LUZP2: variants seen among roughly 807,000 people sequenced by gnomAD.
The protein encoded by LUZP2 is leucine zipper protein 2.
In LUZP2, 52 loss-of-function variants were observed where a neutral mutation model predicts 51.6. The ratio of observed to expected loss-of-function variants is 1.01; its 90% confidence interval spans 0.81 to 1.27. LUZP2 has a LOEUF of 1.27. Ranked by LOEUF, LUZP2 falls within the 50% of genes most tolerant of loss-of-function variation. The pLI is 0.00. For missense variants in LUZP2, 436 were observed against 395.4 expected (o/e 1.10, Z -0.87); for synonymous variants, 154 against 137.3 (o/e 1.12, Z -0.85).
intron 7 of LUZP2, among the ~76,000 whole-genome samples, chr11:24,937,800 C>T (rs1278450837): frequency 6.6e-6 from 1 of 151,462 alleles, no homozygotes. Flanking sequence ...ACATGGGAGG[C>T]TGAGGCAGGA....
At chr11:24,603,871 A>AT (rs2133872198) in intron 1 of LUZP2, among the ~76,000 whole-genome samples, 1 of 151,906 alleles carries the variant, frequency 6.6e-6, no homozygotes, top group Admixed American at 6.6e-5. Flanking sequence ...ACCTAAAAAA[A>AT]GTCATATCCT....
intron 5 of LUZP2, among the ~76,000 whole-genome samples, chr11:24,770,206 TTGTC>T (rs1192667116): frequency 1.1e-4 from 17 of 152,238 alleles, no homozygotes; most frequent in Non-Finnish European, 1.8e-4. Context: ...TAAAATCAGT[TTGTC>T]TGTAACGGTC....
chr11:24,706,290 G>A (rs560508541), intron 1 of LUZP2, among the ~76,000 whole-genome samples: 1 of 152,232 alleles, frequency 6.6e-6, no homozygotes, highest in Non-Finnish European at 1.5e-5. Flanking sequence ...AATGCCAGGA[G>A]CTCGTTACTT....
chr11:24,836,313 T>A (rs1850858374), intron 5 of LUZP2, among the ~76,000 whole-genome samples: 1 of 151,882 alleles, frequency 6.6e-6, no homozygotes, highest in South Asian at 2.1e-4. Flanking sequence ...TTATAAATAA[T>A]TATGAAGTCT....
chr11:24,807,396 G>A (rs1469778473), intron 5 of LUZP2, among the ~76,000 whole-genome samples: 1 of 151,596 alleles, frequency 6.6e-6, no homozygotes, highest in African/African-American at 2.4e-5. Context: ...CGGAGGCGGA[G>A]GTTGCAATGA....
chr11:24,575,093 C>T (rs537635467), intron 1 of LUZP2, among the ~76,000 whole-genome samples: 1 of 152,172 alleles, frequency 6.6e-6, no homozygotes, highest in Admixed American at 6.6e-5. Context: ...TTCTCTCTTA[C>T]CTTTTTAAGC....
intron 5 of LUZP2, among the ~76,000 whole-genome samples, chr11:24,837,059 G>T (rs994847199): frequency 5.1e-5 from 1 of 19,516 alleles, no homozygotes; most frequent in Non-Finnish European, 6.6e-4. Context: ...TTCAAGAATG[G>T]TTGGTAGAAT....
At chr11:24,559,890 C>CA (rs1449554043) in intron 1 of LUZP2, among the ~76,000 whole-genome samples, 1 of 152,034 alleles carries the variant, frequency 6.6e-6, no homozygotes, top group African/African-American at 2.4e-5. Context: ...TAGTTGTCTC[C>CA]AAGACTGGTG....
chr11:24,546,571 A>T (rs1303059224), intron 1 of LUZP2, among the ~76,000 whole-genome samples: 1 of 152,106 alleles, frequency 6.6e-6, no homozygotes, highest in Non-Finnish European at 1.5e-5. Context: ...GGTGTGAATC[A>T]CATTTATTGA....
intron 5 of LUZP2, among the ~76,000 whole-genome samples, chr11:24,886,630 C>T (rs1036832657): frequency 2.6e-5 from 4 of 152,144 alleles, no homozygotes; most frequent in African/African-American, 7.2e-5. Flanking sequence ...ATTTATTAAA[C>T]TTCTTAAGGG....
intron 1 of LUZP2, among the ~76,000 whole-genome samples, chr11:24,574,243 T>C (rs1464276339): frequency 0.046 from 93 of 2,008 alleles, no homozygotes; most frequent in African/African-American, 0.078. Flanking sequence ...TTTCTTTCTT[T>C]CTTTCTTTCT....
At chr11:24,741,982 AT>A (rs1216924310) in intron 4 of LUZP2, among the ~76,000 whole-genome samples, 2 of 81,478 alleles carry the variant, frequency 2.5e-5, no homozygotes, top group African/African-American at 7.3e-5. Flanking sequence ...ACATTTATAT[AT>A]TATATATAAA....
intron 5 of LUZP2, among the ~76,000 whole-genome samples, chr11:24,895,511 C>T (rs1400371365): frequency 6.6e-5 from 10 of 152,058 alleles, no homozygotes; most frequent in Non-Finnish European, 1.5e-4. Context: ...TTGCCTGCCT[C>T]CCTCACTCCC....
intron 5 of LUZP2, among the ~76,000 whole-genome samples, chr11:24,779,842 T>G (rs752428499): frequency 1.2e-4 from 18 of 151,378 alleles, no homozygotes; most frequent in Non-Finnish European, 1.9e-4. Context: ...CACACACACA[T>G]AGGGGAGGAA....
At chr11:24,959,797 G>A (rs976296036) in intron 7 of LUZP2, among the ~76,000 whole-genome samples, 2 of 152,100 alleles carry the variant, frequency 1.3e-5, no homozygotes, top group African/African-American at 4.8e-5. Flanking sequence ...TGTTGAATAG[G>A]AGTGGTGAGA....
At chr11:25,050,518 C>G (rs576450481) in intron 10 of LUZP2, among the ~76,000 whole-genome samples, 1 of 151,992 alleles carries the variant, frequency 6.6e-6, no homozygotes, top group African/African-American at 2.4e-5. Context: ...GTTAACCAGG[C>G]TGGTCTTGAT....
At chr11:24,509,466 G>T (rs1850239661) in intron 1 of LUZP2, among the ~76,000 whole-genome samples, 1 of 148,492 alleles carries the variant, frequency 6.7e-6, no homozygotes, top group Admixed American at 6.8e-5. Flanking sequence ...ATTATATATG[G>T]TATAGTATAT....
intron 5 of LUZP2, among the ~76,000 whole-genome samples, chr11:24,830,774 C>T (rs180962094): frequency 0.017 from 2,586 of 152,048 alleles, 34 homozygotes; most frequent in Non-Finnish European, 0.029. Context: ...GCGGGCGGAT[C>T]ATGAGGTCAG....
chr11:24,596,784 G>A (rs925025051), intron 1 of LUZP2, among the ~76,000 whole-genome samples: 4 of 152,168 alleles, frequency 2.6e-5, no homozygotes, highest in Admixed American at 6.5e-5. Context: ...GGTGTTCTCC[G>A]AGGAGTGGAA....
Sources: gnomAD v4.1 joint callset for allele counts (sites outside exome capture counted in the v4.1 genomes callset) on GRCh38, gnomAD v4.1.1 for gene constraint, MANE v1.5 for transcripts, NCBI Gene and HGNC (gene_info 2026-07-23, HGNC 2026-07-21) for gene names.